The following BCOR variants were observed in gnomAD, a reference collection of about 807,000 sequenced individuals.
BCOR encodes BCL-6 corepressor.
BCOR carries 10 observed loss-of-function variants against 86.7 expected under a neutral mutation model. That is an observed-to-expected ratio of 0.12 (90% CI 0.07 to 0.20). The LOEUF (loss-of-function observed/expected upper bound fraction) is 0.20, where lower values mean the gene tolerates loss of function less well. BCOR is among the 10% of genes least tolerant of loss of function. The pLI is 1.00. For synonymous variants in BCOR, 611 were observed against 609.0 expected (o/e 1.00, Z -0.05); for missense variants, 1,259 against 1,452.1 (o/e 0.87, Z 2.16).
intron 1 of BCOR, among the ~76,000 whole-genome samples, chrX:40,139,490 TATA>T (rs1937858913): frequency 7.3e-5 from 1 of 13,688 alleles, no homozygotes; most frequent in Non-Finnish European, 1.1e-4. Flanking sequence ...TATATATATA[TATA>T]TATATTTTTT....
At chrX:40,167,819 G>C (rs1938534461) in intron 1 of BCOR, among the ~76,000 whole-genome samples, 1 of 113,023 alleles carries the variant, frequency 8.8e-6, no homozygotes, top group South Asian at 3.6e-4. Flanking sequence ...GATGACCTTT[G>C]CGAAAGGCAA....
intron 1 of BCOR, among the ~76,000 whole-genome samples, chrX:40,088,279 A>C (rs1229691434): frequency 8.9e-6 from 1 of 112,768 alleles, no homozygotes; most frequent in Non-Finnish European, 1.9e-5. Context: ...AGTAAGGCGC[A>C]TCTTGTCCAT....
chrX:40,150,640 C>G (rs1020375071), intron 1 of BCOR, among the ~76,000 whole-genome samples: 44 of 111,939 alleles, frequency 3.9e-4, no homozygotes, highest in Non-Finnish European at 7.9e-4. Flanking sequence ...ACAGGAAAAG[C>G]AGACATTCTC....
At chrX:40,148,701 A>G (rs887953450) in intron 1 of BCOR, among the ~76,000 whole-genome samples, 2 of 110,873 alleles carry the variant, frequency 1.8e-5, no homozygotes, top group African/African-American at 6.6e-5. Context: ...TTCCCCGAAT[A>G]TTATCTCATG....
At position 40,074,554 on chromosome X, in the gene BCOR, G is replaced by A. The variant is rs1271955483; in HGVS notation, c.792C>T (p.Pro264=). 1.7e-6 allele frequency: 2 copies of A among 1,211,344 alleles called. No individual in the cohort carries two copies. The highest frequency in any genetic ancestry group is 2.2e-6 in the Non-Finnish European group (2 of 895,088). The part of the protein sequence containing the change: ...GPHIPSSLAS[P]MRLSTPSASP... Reference sequence around the variant, plus strand: ...AGGCCGAAGGTGTCGAGAGCCTCATGGGTGATGCCAAGGACGATGGGATGT... The same window carrying A: ...AGGCCGAAGGTGTCGAGAGCCTCATAGGTGATGCCAAGGACGATGGGATGT... The change falls in exon 4 of 15, where the codon CCC becomes CCT. Residue 264 remains proline (P), a synonymous_variant. Coordinates refer to ENST00000378444, the MANE Select transcript of BCOR (RefSeq NM_001123385.2).
chrX:40,138,384 G>C (rs1226699683), intron 1 of BCOR, among the ~76,000 whole-genome samples: 2 of 111,672 alleles, frequency 1.8e-5, no homozygotes, highest in African/African-American at 6.5e-5. Flanking sequence ...CCACATTCCC[G>C]GTTTTCTTGG....
intron 1 of BCOR, among the ~76,000 whole-genome samples, chrX:40,120,570 G>T (rs1474296072): frequency 4.5e-5 from 5 of 111,465 alleles, no homozygotes; most frequent in African/African-American, 1.3e-4. Flanking sequence ...CCTCCTCACT[G>T]GGCCCCCTCC....
At chrX:40,176,000 C>CG (rs1330113632) in intron 1 of BCOR, among the ~76,000 whole-genome samples, 4 of 112,591 alleles carry the variant, frequency 3.6e-5, no homozygotes, top group Non-Finnish European at 3.8e-5. Flanking sequence ...CGGGCCACTG[C>CG]GGGGGGCGGA....
rs546960508 is a variant in BCOR at position 40,110,667 on chromosome X, C to CTTTTTTTTTTTTTTT, written c.-40-32713_-40-32699dup. On this transcript the variant is annotated intron_variant, in intron 1 of 14. Transcript: ENST00000342274. ...TTCTTTTTTTTCTTTTTTCCTTTTTCTTTTTTTTTTTTTTTTTTTTTTTTT... is the reference window on the plus strand; with the variant it reads ...TTCTTTTTTTTCTTTTTTCCTTTTTCTTTTTTTTTTTTTTTTTTTTTTTTTTTTTTTTTTTTTTTT... Among the ~76,000 whole-genome samples the CTTTTTTTTTTTTTTT allele has an allele frequency of 1.7e-4, 5 of 29,544 alleles. 1 individual carries two copies. The highest frequency in any genetic ancestry group is 9.8e-4 in the East Asian group (1 of 1,020). The allele number at this position is 29,544 out of a possible 115,157, so 25.7% of individuals were successfully genotyped here.
intron 1 of BCOR, among the ~76,000 whole-genome samples, chrX:40,112,053 G>C (rs1449981901): frequency 2.7e-5 from 3 of 110,711 alleles, no homozygotes; most frequent in African/African-American, 9.9e-5. Flanking sequence ...GGGGTGGGGG[G>C]GCGGCGTTGT....
At chrX:40,134,999 T>C (rs1336127078) in intron 1 of BCOR, among the ~76,000 whole-genome samples, 6 of 111,539 alleles carry the variant, frequency 5.4e-5, no homozygotes, top group South Asian at 3.8e-4. Context: ...GAGGAATTCA[T>C]TGAAAGGAGG....
At chrX:40,083,641 G>A (rs1221484710) in intron 1 of BCOR, among the ~76,000 whole-genome samples, 4 of 111,886 alleles carry the variant, frequency 3.6e-5, no homozygotes, top group Non-Finnish European at 7.6e-5. Flanking sequence ...CGATCGGTCG[G>A]CAACAAAGGG....
chrX:40,165,205 T>G (rs1322374309), intron 1 of BCOR, among the ~76,000 whole-genome samples: 1 of 110,393 alleles, frequency 9.1e-6, no homozygotes, highest in Non-Finnish European at 1.9e-5. Flanking sequence ...TGGGGTGGGG[T>G]GGGGGATGAG....
chrX:40,054,460 T>C (rs934787916), intron 12 of BCOR, 127 bp from the exon 13 acceptor site: 1 of 532,878 alleles, frequency 1.9e-6, no homozygotes, highest in Non-Finnish European at 3.3e-6. Context: ...TGTCTTCCTC[T>C]TTCTCAGCAA....
At position 40,064,431 on chromosome X, in the gene BCOR, C is replaced by T. The variant is rs1231642126; in HGVS notation, c.3407G>A (p.Arg1136His). 2.1e-5 allele frequency: 25 copies of T among 1,211,098 alleles called. No individual in the cohort carries two copies. The highest frequency in any genetic ancestry group is 2.3e-4 in the Middle Eastern group (1 of 4,373). The change falls in exon 7 of 15, where the codon CGC becomes CAC. Residue 1136 changes from arginine (R) to histidine (H), a missense_variant. Physicochemically the swap from Arg to His is conservative, Grantham distance 29. Around this residue, in one of 7 missense-constraint regions of BCOR, gnomAD observed 305 missense variants for 286.1 expected, o/e 1.07. Coordinates refer to ENST00000378444, the MANE Select transcript of BCOR (RefSeq NM_001123385.2). ...HSPTLRVDRK[R>H]KVSGDSSHTE... ...GTGGCTGCTGTCACCTGAGACTTTG[C>T]GTTTCCTGTCCACCCGGAGGGTGGG... is the stretch of plus-strand genomic sequence containing the variant.
intron 1 of BCOR, among the ~76,000 whole-genome samples, chrX:40,161,099 T>G (rs1938408545): frequency 9.3e-6 from 1 of 107,718 alleles, no homozygotes; most frequent in Non-Finnish European, 1.9e-5. Context: ...CCTCTGGCTC[T>G]CGGGCTGGAG....
chrX:40,069,844 G>A, intron 6 of BCOR, among the ~76,000 whole-genome samples: 1 of 112,215 alleles, frequency 8.9e-6, no homozygotes. Flanking sequence ...CAGGTACATT[G>A]AGTCCCTGCC....
chrX:40,175,954 C>G (rs1395044705), intron 1 of BCOR, among the ~76,000 whole-genome samples: 1 of 112,872 alleles, frequency 8.9e-6, no homozygotes, highest in Non-Finnish European at 1.9e-5. Context: ...GGTTTCGGAC[C>G]TGAACCTCGT....
chrX:40,052,724 C>G (rs1437592786), intron 14 of BCOR, among the ~76,000 whole-genome samples: 1 of 109,632 alleles, frequency 9.1e-6, no homozygotes, highest in African/African-American at 3.3e-5. Context: ...GCCACCATGC[C>G]CGGCTACTTT....
Sources: gnomAD v4.1 joint callset for allele counts (sites outside exome capture counted in the v4.1 genomes callset) on GRCh38, gnomAD v4.1.1 for gene constraint, gnomAD v4.1.1 regional missense constraint, MANE v1.5 for transcripts, NCBI Gene and HGNC (gene_info 2026-07-23, HGNC 2026-07-21) for gene names.